GALNT15: variants seen among roughly 807,000 people sequenced by gnomAD.
GALNT15 encodes the protein UDP-GalNAc transferase T15.
In GALNT15, 67 loss-of-function variants were observed where a neutral mutation model predicts 66.8. The ratio of observed to expected loss-of-function variants is 1.00; its 90% CI spans 0.82 to 1.23. GALNT15 has a LOEUF of 1.23. GALNT15 is among the 50% of genes most tolerant of loss of function. The pLI is 0.00. For synonymous variants in GALNT15, 313 were observed against 311.5 expected (o/e 1.00, Z -0.05); for missense variants, 827 against 804.3 (o/e 1.03, Z -0.34).
chr3:16,243,944 A>G, the GALNT15 span: 4 of 963,638 alleles, frequency 4.2e-6, no homozygotes, highest in South Asian at 1.9e-4. Context: ...GAAGTTGTGT[A>G]TGTTAAGTAA....
Position 16,224,637 on chromosome 3 carries a change from T to C in GALNT15, c.1773+1879T>C, listed in dbSNP as rs900860318. 1.3e-4 allele frequency among the ~76,000 whole-genome samples: 20 copies of C among 149,856 alleles called. No individual in the cohort carries two copies. Among genetic ancestry groups the C allele is most frequent in the African/African-American group, 3.9e-4 (16 of 40,846 alleles). On this transcript the variant is annotated intron_variant, in intron 9 of 9. Transcript: ENST00000339732. The surrounding 1 kb of genome is among the most constrained non-coding windows in gnomAD (Gnocchi z 5.2). ...CACTATTGTAGTAGGCTATTCTTTT[T>C]TTTTTTTTTTTTTTTAAAGAGGGAG...
intron 3 of GALNT15, among the ~76,000 whole-genome samples, chr3:16,202,527 G>A (rs1234949746): frequency 6.6e-6 from 1 of 152,202 alleles, no homozygotes; most frequent in Non-Finnish European, 1.5e-5. Context: ...CAGCTACTCG[G>A]GAGGCTGAGG....
intron 1 of GALNT15, among the ~76,000 whole-genome samples, chr3:16,190,922 T>C (rs1243636349): frequency 6.6e-6 from 1 of 152,336 alleles, no homozygotes; most frequent in East Asian, 1.9e-4. Context: ...GTTTACGTCT[T>C]GAAGGCTGCG....
At position 16,219,563 on chromosome 3, in the gene GALNT15, G is replaced by C. The variant is rs200178901; in HGVS notation, c.1524+29G>C. 5.0e-6 allele frequency: 8 copies of C among 1,609,618 alleles called. No homozygotes were observed. In the African/African-American group the frequency reaches 8.0e-5, roughly 16 times the overall value. On this transcript the variant is annotated intron_variant, in intron 7 of 9. Coordinates refer to ENST00000339732, the MANE Select transcript of GALNT15 (RefSeq NM_054110.5). The surrounding 1 kb of genome is among the most constrained non-coding windows in gnomAD (Gnocchi z 4.3). ...AGGCATGACCCAGGGAAGATGGGGA[G>C]GGACAGGGAAGCTTCCCAAGACAAG...
At chr3:16,208,241 A>C (rs1251750381) in intron 3 of GALNT15, among the ~76,000 whole-genome samples, 1 of 152,262 alleles carries the variant, frequency 6.6e-6, no homozygotes, top group Non-Finnish European at 1.5e-5. Flanking sequence ...AATATAGTTC[A>C]GTAAACCCAA....
At position 16,209,706 on chromosome 3, in the gene GALNT15, C is replaced by T. The variant is rs1045322505; in HGVS notation, c.1079+1036C>T. Among the ~76,000 whole-genome samples the T allele has an allele frequency of 3.3e-5, 5 of 152,116 alleles. No individual in the cohort carries two copies. The highest frequency in any genetic ancestry group is 7.4e-5 in the Non-Finnish European group (5 of 68,026). On this transcript the variant is annotated intron_variant, in intron 4 of 9. Transcript: ENST00000339732. The surrounding 1 kb of genome is among the most constrained non-coding windows in gnomAD (Gnocchi z 4.1). Reference sequence around the variant, plus strand: ...GCATGGTAGCACACTCCTGTAGTCCCAGTTACTTGGGAGGCTGAGGCACAA... The same window carrying T: ...GCATGGTAGCACACTCCTGTAGTCCTAGTTACTTGGGAGGCTGAGGCACAA...
rs759378822 is a variant in GALNT15, at chr3:16,227,322, GTTTTC to G, written c.1774-22_1774-18del. 3 of 1,596,844 alleles carry G rather than the reference GTTTTC, an allele frequency of 1.9e-6. No individual in the cohort carries two copies. The highest frequency in any genetic ancestry group is 2.6e-6 in the Non-Finnish European group (3 of 1,174,292). The stretch of plus-strand genomic sequence containing the variant: ...TTTGCTGACTGATTGTGGGGGACTG[GTTTTC>G]TTTTCTTTTTTCCTTTCTCTTTTTA... On this transcript the variant is annotated intron_variant, in intron 9 of 9. Transcript: ENST00000339732. The surrounding 1 kb of genome is among the most constrained non-coding windows in gnomAD (Gnocchi z 4.5).
At chr3:16,232,467 TAA>T (rs56338627), downstream of GALNT15, among the ~76,000 whole-genome samples, 6,126 of 42,820 alleles carry the variant, frequency 0.14, 588 homozygotes, top group East Asian at 0.25. Flanking sequence ...AATAAATAAA[TAA>T]ATATATATAT....
In GALNT15 at chr3:16,200,111, GAGAA is replaced by G. The variant is rs1269847793; in HGVS notation, c.707-504_707-501del. 6.9e-6 allele frequency among the ~76,000 whole-genome samples: 1 copy of G among 145,196 alleles called. No homozygotes were observed. The highest frequency in any genetic ancestry group is 1.5e-5 in the Non-Finnish European group (1 of 66,134). ...GCATGTCTTACATGGCAGCAAGTGA[GAGAA>G]AGAGAGAGAGAGAGGAGGAAAAACT... On this transcript the variant is annotated intron_variant, in intron 2 of 9. Transcript: ENST00000339732. This position sits in a 1 kb window ranked among gnomAD's most constrained non-coding sequence, Gnocchi z 4.4.
Position 16,224,682 on chromosome 3 carries a change from G to T in GALNT15, c.1773+1924G>T, listed in dbSNP as rs888824898. 6.7e-6 allele frequency among the ~76,000 whole-genome samples: 1 copy of T among 148,778 alleles called. No homozygotes were observed. Among genetic ancestry groups the T allele is most frequent in the Non-Finnish European group, 1.5e-5 (1 of 67,684 alleles). The stretch of plus-strand genomic sequence containing the variant: ...AGGGAGTTTCGCTCTTGTTGCCCAG[G>T]CTAGAGTTCAATGGCAGGATCTCGG... On this transcript the variant is annotated intron_variant, in intron 9 of 9. Transcript: ENST00000339732. This position sits in a 1 kb window ranked among gnomAD's most constrained non-coding sequence, Gnocchi z 5.2.
rs1449200466 is a variant in GALNT15 at position 16,209,833 on chromosome 3, AC to A, written c.1079+1164del. ...CAAGATTCTGTCTCAAAAACAAAAA[AC>A]AAAAACAAAATCATTAGGCAGCAAA... On this transcript the variant is annotated intron_variant, in intron 4 of 9. Transcript: ENST00000339732. The surrounding 1 kb of genome is among the most constrained non-coding windows in gnomAD (Gnocchi z 4.1). Among the ~76,000 whole-genome samples, 1 of 152,194 alleles carries A rather than the reference AC, an allele frequency of 6.6e-6. No individual in the cohort carries two copies. The highest frequency in any genetic ancestry group is 1.5e-5 in the Non-Finnish European group (1 of 68,036).
At chr3:16,231,549 G>A (rs768424938), downstream of GALNT15, among the ~76,000 whole-genome samples, 2 of 152,108 alleles carry the variant, frequency 1.3e-5, no homozygotes, top group African/African-American at 2.4e-5. The surrounding 1 kb of genome is among the most constrained non-coding windows in gnomAD (Gnocchi z 4.1). Flanking sequence ...CATATAAACA[G>A]CTTGCCTGAT....
Position 16,222,761 on chromosome 3 carries a change from G to A in GALNT15, c.1773+3G>A. 1.9e-6 allele frequency: 3 copies of A among 1,613,912 alleles called. No homozygotes were observed. Among genetic ancestry groups the A allele is most frequent in the Non-Finnish European group, 2.5e-6 (3 of 1,179,984 alleles). Reference sequence around the variant, plus strand: ...AGCAGCACTGGGACTTCCAGGAGGTGAGTAATCTGTTCAGGAAGAGCCTGG... The same window carrying A: ...AGCAGCACTGGGACTTCCAGGAGGTAAGTAATCTGTTCAGGAAGAGCCTGG... On this transcript the variant is annotated splice_donor_region_variant and intron_variant, in intron 9 of 9. Coordinates refer to ENST00000339732, the MANE Select transcript of GALNT15 (RefSeq NM_054110.5).
At chr3:16,246,321 G>GTTTTTT in the GALNT15 span, among the ~76,000 whole-genome samples, 11 of 85,264 alleles carry the variant, frequency 1.3e-4, no homozygotes, top group African/African-American at 3.8e-4. Flanking sequence ...TTTGAAAGTG[G>GTTTTTT]TTTTTTTTTT....
At chr3:16,244,687 A>G in the GALNT15 span, among the ~76,000 whole-genome samples, 1 of 152,162 alleles carries the variant, frequency 6.6e-6, no homozygotes, top group Non-Finnish European at 1.5e-5. Flanking sequence ...TGAGAATCTC[A>G]TTAGAACTTC....
At chr3:16,190,600 T>A (rs886128375) in intron 1 of GALNT15, among the ~76,000 whole-genome samples, 2 of 140,490 alleles carry the variant, frequency 1.4e-5, no homozygotes, top group South Asian at 2.2e-4. Context: ...ATCGCGCCAC[T>A]GCACTCCAGC....
In GALNT15 at chr3:16,211,595, C is replaced by T. The variant is rs1303063932; in HGVS notation, c.1197+354C>T. 6.6e-6 allele frequency among the ~76,000 whole-genome samples: 1 copy of T among 152,188 alleles called. No homozygotes were observed. The highest frequency in any genetic ancestry group is 1.5e-5 in the Non-Finnish European group (1 of 68,038). On this transcript the variant is annotated intron_variant, in intron 5 of 9. Transcript: ENST00000339732. The surrounding 1 kb of genome is among the most constrained non-coding windows in gnomAD (Gnocchi z 4.3). ...AGCACCCATAGTCCAAAACAAATACCTGAAGTTCTGTGTATTGAGTAGTTT... is the reference window on the plus strand; with the variant it reads ...AGCACCCATAGTCCAAAACAAATACTTGAAGTTCTGTGTATTGAGTAGTTT...
rs1446575397 is a variant in GALNT15 at position 16,228,687 on chromosome 3, G to T, written c.*1187G>T. ...AACTCTCCTGATGCCCTGTTACAGG[G>T]TTTGCACTGACTGGAGCAGAAACAG... On this transcript the variant is annotated 3_prime_UTR_variant, in exon 10 of 10. Coordinates refer to ENST00000339732, the MANE Select transcript of GALNT15 (RefSeq NM_054110.5). 2.0e-6 allele frequency: 2 copies of T among 984,886 alleles called. No individual in the cohort carries two copies. The highest frequency in any genetic ancestry group is 3.5e-5 in the African/African-American group (2 of 57,062). 61.0% of individuals were successfully genotyped at this position (984,886 alleles called of 1,614,324 possible).
chr3:16,246,901 T>G, the GALNT15 span, among the ~76,000 whole-genome samples: 6 of 152,180 alleles, frequency 3.9e-5, no homozygotes, highest in Non-Finnish European at 8.8e-5. Context: ...GGCTTGTAAT[T>G]TTTCTGAGAA....
Sources: allele counts gnomAD v4.1 joint callset (sites outside exome capture counted in the v4.1 genomes callset), GRCh38; gene constraint gnomAD v4.1.1; non-coding constraint Gnocchi (gnomAD v3.1); transcripts MANE v1.5; gene names NCBI Gene and HGNC (gene_info 2026-07-23, HGNC 2026-07-21).